The following SHC3 variants were observed in gnomAD, a reference collection of about 807,000 sequenced individuals.
The protein encoded by SHC3 is SHC-transforming protein 3.
In SHC3, 15 loss-of-function variants were observed where a neutral mutation model predicts 60.4. The ratio of observed to expected loss-of-function variants is 0.25; its 90% CI spans 0.17 to 0.38. SHC3 has a LOEUF of 0.38. SHC3 is among the 10% of genes least tolerant of loss of function. The pLI, the probability that SHC3 is intolerant of heterozygous loss-of-function variation, is 1.00. For missense variants in SHC3, 677 were observed against 786.1 expected (o/e 0.86, Z 1.66); for synonymous variants, 294 against 325.9 (o/e 0.90, Z 1.05).
Position 89,113,253 on chromosome 9 carries a change from A to T in SHC3, c.475-627T>A, listed in dbSNP as rs77785182. Reference sequence around the variant, plus strand: ...GCATAGCTAAATTTTGATCAGTTTCACACATGAAAATGTATATGTGTAAGT... The same window carrying T: ...GCATAGCTAAATTTTGATCAGTTTCTCACATGAAAATGTATATGTGTAAGT... On this transcript the variant is annotated intron_variant, in intron 1 of 11. Transcript: ENST00000375835. 7.5e-3 allele frequency among the ~76,000 whole-genome samples: 1,141 copies of T among 152,306 alleles called. 17 individuals are homozygous for T. Among genetic ancestry groups the T allele is most frequent in the African/African-American group, 0.026 (1,071 of 41,568 alleles).
At chr9:89,153,329 G>A (rs1324038003) in intron 1 of SHC3, among the ~76,000 whole-genome samples, 2 of 152,126 alleles carry the variant, frequency 1.3e-5, no homozygotes, top group Non-Finnish European at 2.9e-5. Context: ...GTTGTCTGAT[G>A]CCCTACTTAT....
At position 89,174,997 on chromosome 9, in the gene SHC3, T is replaced by C. The variant is rs555721104; in HGVS notation, c.474+2990A>G. On this transcript the variant is annotated intron_variant, in intron 1 of 11. Transcript: ENST00000375835. ...TTGGGGTCCTACCCAGGCTTGACTTTAGGATAAGATAATTTAAAGGTGGGC... is the reference window on the plus strand; with the variant it reads ...TTGGGGTCCTACCCAGGCTTGACTTCAGGATAAGATAATTTAAAGGTGGGC... Among the ~76,000 whole-genome samples the C allele has an allele frequency of 1.2e-4, 19 of 152,368 alleles. No individual in the cohort carries two copies. The South Asian group carries it at 3.3e-3, about 27-fold the overall frequency.
chr9:89,043,114 G>A (rs777981130), intron 9 of SHC3, among the ~76,000 whole-genome samples: 28 of 152,162 alleles, frequency 1.8e-4, no homozygotes, highest in Non-Finnish European at 3.4e-4. Context: ...CCCTATGGGC[G>A]GTGGTGTGTT....
At chr9:89,086,734 C>T (rs1421911226) in intron 2 of SHC3, among the ~76,000 whole-genome samples, 1 of 152,186 alleles carries the variant, frequency 6.6e-6, no homozygotes, top group African/African-American at 2.4e-5. Context: ...TGACAAGCCC[C>T]CAGCCACCAG....
chr9:89,092,377 G>A (rs1010263853), intron 2 of SHC3, among the ~76,000 whole-genome samples: 1 of 152,138 alleles, frequency 6.6e-6, no homozygotes, highest in Non-Finnish European at 1.5e-5. Context: ...CAGCACTTTG[G>A]GAGGCCGAGG....
chr9:89,046,841 T>G lies in SHC3; in HGVS notation c.1113+3A>C. 1 of 1,585,176 alleles carries G rather than the reference T, an allele frequency of 6.3e-7. No homozygotes were observed. Among genetic ancestry groups the G allele is most frequent in the Non-Finnish European group, 8.6e-7 (1 of 1,168,248 alleles). On this transcript the variant is annotated splice_donor_region_variant and intron_variant, in intron 8 of 11. Transcript: ENST00000375835. ...TATATAAGAAAAAAACTATAAGACTTACCTGGGCTGTGTCAGGAGCATGGG... is the reference window on the plus strand; with the variant it reads ...TATATAAGAAAAAAACTATAAGACTGACCTGGGCTGTGTCAGGAGCATGGG...
intron 4 of SHC3, among the ~76,000 whole-genome samples, chr9:89,073,739 T>G (rs2118001380): frequency 1.3e-5 from 2 of 152,302 alleles, no homozygotes; most frequent in South Asian, 4.2e-4. Context: ...GTTTTCTATT[T>G]TACTGAGGTG....
chr9:89,088,878 C>T (rs368819363), intron 2 of SHC3: 2 of 152,466 alleles, frequency 1.3e-5, no homozygotes, highest in Admixed American at 6.5e-5. Context: ...CAGCAGAGGC[C>T]GTGAGAAAAG....
chr9:89,025,079 C>T (rs976926313), intron 11 of SHC3, among the ~76,000 whole-genome samples: 1 of 152,168 alleles, frequency 6.6e-6, no homozygotes, highest in Non-Finnish European at 1.5e-5. Flanking sequence ...TGACGACACT[C>T]CATCAATGAC....
At chr9:89,048,459 T>A (rs1014148718) in intron 7 of SHC3, among the ~76,000 whole-genome samples, 2 of 152,128 alleles carry the variant, frequency 1.3e-5, no homozygotes, top group African/African-American at 4.8e-5. Flanking sequence ...ATGTCCAGAA[T>A]GGGCAAATCC....
intron 6 of SHC3, among the ~76,000 whole-genome samples, chr9:89,061,567 G>T (rs565813551): frequency 6.6e-6 from 1 of 152,334 alleles, no homozygotes; most frequent in East Asian, 1.9e-4. Flanking sequence ...TGTTCAGGCT[G>T]GATATGTAGG....
chr9:89,073,839 G>A (rs953877378), intron 4 of SHC3, among the ~76,000 whole-genome samples: 1 of 152,192 alleles, frequency 6.6e-6, no homozygotes, highest in African/African-American at 2.4e-5. Flanking sequence ...GAACAGCTCC[G>A]GGCATGAAGG....
intron 11 of SHC3, among the ~76,000 whole-genome samples, chr9:89,026,307 T>C (rs1223648486): frequency 1.3e-5 from 2 of 151,922 alleles, no homozygotes; most frequent in East Asian, 3.9e-4. Context: ...TACAGTCTTT[T>C]CTCTCTGAAG....
chr9:89,039,609 C>T (rs1316321611), intron 10 of SHC3, among the ~76,000 whole-genome samples: 1 of 152,072 alleles, frequency 6.6e-6, no homozygotes, highest in Admixed American at 6.6e-5. Flanking sequence ...ACCACCACCA[C>T]CATCAGCATC....
chr9:89,091,424 G>T (rs1429056267), intron 2 of SHC3, among the ~76,000 whole-genome samples: 3 of 152,180 alleles, frequency 2.0e-5, no homozygotes, highest in African/African-American at 7.2e-5. Flanking sequence ...AACACAGTGG[G>T]GAGATTTGGG....
chr9:89,029,966 A>G (rs1468095144), intron 11 of SHC3, among the ~76,000 whole-genome samples: 1 of 152,174 alleles, frequency 6.6e-6, no homozygotes, highest in African/African-American at 2.4e-5. Context: ...ATGCTATCAA[A>G]AGGCAGAGAT....
chr9:89,014,347 C>T (rs554452907), intron 11 of SHC3, among the ~76,000 whole-genome samples: 7 of 152,292 alleles, frequency 4.6e-5, no homozygotes, highest in African/African-American at 1.7e-4. Flanking sequence ...ACAGATATCA[C>T]TCACACTTGA....
At chr9:89,065,377 T>C (rs1206892708) in intron 6 of SHC3, 152 bp downstream of exon 6, 1 of 829,114 alleles carries the variant, frequency 1.2e-6, no homozygotes. Flanking sequence ...CCAAGCGATC[T>C]ACAACCCTTG....
chr9:89,101,677 C>A (rs1247943503), intron 2 of SHC3, among the ~76,000 whole-genome samples: 6 of 151,484 alleles, frequency 4.0e-5, no homozygotes, highest in Non-Finnish European at 8.8e-5. Flanking sequence ...GTTGACTCAA[C>A]CTTACAATCC....
Sources: gnomAD v4.1 joint callset for allele counts (sites outside exome capture counted in the v4.1 genomes callset) on GRCh38, gnomAD v4.1.1 for gene constraint, MANE v1.5 for transcripts, NCBI Gene and HGNC (gene_info 2026-07-23, HGNC 2026-07-21) for gene names.